The following FILIP1L variants were observed in gnomAD, a reference collection of about 807,000 sequenced individuals.
FILIP1L encodes the protein filamin A-interacting protein 1-like.
Under a neutral mutation model 96.6 loss-of-function variants are expected in FILIP1L, and 55 were observed. The observed-to-expected ratio is 0.57, with a 90% CI of 0.46 to 0.71. The LOEUF (loss-of-function observed/expected upper bound fraction) is 0.71. FILIP1L is among the 30% of genes least tolerant of loss of function. The pLI, the probability that FILIP1L is intolerant of heterozygous loss-of-function variation, is 0.00. For missense variants in FILIP1L, 1,304 were observed against 1,321.2 expected (o/e 0.99, Z 0.20); for synonymous variants, 467 against 473.9 (o/e 0.99, Z 0.19).
chr3:99,980,988 G>A (rs903863004), intron 1 of FILIP1L, among the ~76,000 whole-genome samples: 2 of 152,172 alleles, frequency 1.3e-5, no homozygotes, highest in African/African-American at 4.8e-5. Context: ...TAATGAAGAT[G>A]TGAGCTTTGG....
chr3:99,979,323 T>C (rs1232050314), intron 1 of FILIP1L, among the ~76,000 whole-genome samples: 1 of 152,192 alleles, frequency 6.6e-6, no homozygotes, highest in Non-Finnish European at 1.5e-5. Context: ...TGGGAAACAC[T>C]AAAAAGATAA....
intron 4 of FILIP1L, among the ~76,000 whole-genome samples, chr3:99,857,828 T>C (rs895146727): frequency 6.6e-5 from 10 of 152,254 alleles, no homozygotes; most frequent in Non-Finnish European, 1.2e-4. Context: ...TTTCACTATG[T>C]TCACTATGTA....
intron 1 of FILIP1L, among the ~76,000 whole-genome samples, chr3:100,096,085 C>A (rs2066201857): frequency 6.6e-6 from 1 of 151,996 alleles, no homozygotes; most frequent in South Asian, 2.1e-4. Context: ...TTATCTTACC[C>A]CAGTTAAAAT....
intron 3 of FILIP1L, among the ~76,000 whole-genome samples, chr3:99,925,326 T>A (rs1256842856): frequency 6.6e-6 from 1 of 152,212 alleles, no homozygotes; most frequent in East Asian, 1.9e-4. Context: ...ATGATCAACC[T>A]GTGGCTGATA....
At chr3:99,840,383 C>G (rs549364502) in intron 5 of FILIP1L, among the ~76,000 whole-genome samples, 1 of 151,928 alleles carries the variant, frequency 6.6e-6, no homozygotes, top group African/African-American at 2.4e-5. Context: ...ACCACCATGC[C>G]CGGCTAATTT....
intron 1 of FILIP1L, among the ~76,000 whole-genome samples, chr3:100,073,976 A>G (rs532322607): frequency 1.3e-5 from 2 of 152,088 alleles, no homozygotes; most frequent in East Asian, 3.9e-4. Flanking sequence ...TTTGCACGCC[A>G]TGGTTCTCCT....
chr3:99,991,604 C>T (rs184397711), intron 1 of FILIP1L, among the ~76,000 whole-genome samples: 91 of 152,052 alleles, frequency 6.0e-4, no homozygotes, highest in African/African-American at 2.1e-3. Context: ...ACCCCCCTGC[C>T]ACCTTCCCAC....
intron 1 of FILIP1L, among the ~76,000 whole-genome samples, chr3:99,956,057 G>A (rs1204930745): frequency 6.6e-6 from 1 of 152,148 alleles, no homozygotes. Context: ...TGACTGACAC[G>A]TTTTTAAGTT....
chr3:99,920,303 GA>G (rs546234576), intron 4 of FILIP1L, among the ~76,000 whole-genome samples: 4 of 149,852 alleles, frequency 2.7e-5, no homozygotes, highest in East Asian at 3.9e-4. Context: ...AACTGAAAAA[GA>G]AAAAAAAATA....
chr3:99,988,114 AT>A (rs1362512130), intron 1 of FILIP1L, among the ~76,000 whole-genome samples: 2 of 152,138 alleles, frequency 1.3e-5, no homozygotes, highest in Non-Finnish European at 2.9e-5. Context: ...TTCAGTTTCA[AT>A]AACTTTTTTT....
intron 4 of FILIP1L, among the ~76,000 whole-genome samples, chr3:99,852,017 T>A (rs1424483021): frequency 6.6e-6 from 1 of 152,266 alleles, no homozygotes; most frequent in Non-Finnish European, 1.5e-5. Flanking sequence ...AATAATTCCC[T>A]CTTAAATGAT....
intron 1 of FILIP1L, among the ~76,000 whole-genome samples, chr3:100,097,773 G>T (rs2066236557): frequency 6.6e-6 from 1 of 152,062 alleles, no homozygotes; most frequent in Non-Finnish European, 1.5e-5. Context: ...AAGACTACTT[G>T]GTTATTAAAT....
At chr3:99,852,653 C>T (rs1943758827) in intron 4 of FILIP1L, among the ~76,000 whole-genome samples, 1 of 152,006 alleles carries the variant, frequency 6.6e-6, no homozygotes, top group South Asian at 2.1e-4. Context: ...ACCATGTTGG[C>T]CAGGATGGTC....
intron 1 of FILIP1L, among the ~76,000 whole-genome samples, chr3:100,011,089 G>T (rs1710142513): frequency 6.6e-6 from 1 of 152,228 alleles, no homozygotes; most frequent in East Asian, 1.9e-4. Flanking sequence ...GATAATAGAA[G>T]ATTGAAGCTT....
At chr3:100,109,718 A>G (rs914036958) in intron 1 of FILIP1L, among the ~76,000 whole-genome samples, 2 of 152,268 alleles carry the variant, frequency 1.3e-5, no homozygotes, top group Middle Eastern at 3.4e-3. Flanking sequence ...TCATTTACCA[A>G]TTGAAGGGGT....
chr3:100,001,309 A>T (rs1015516314), intron 1 of FILIP1L, among the ~76,000 whole-genome samples: 5 of 152,216 alleles, frequency 3.3e-5, no homozygotes, highest in African/African-American at 1.2e-4. Context: ...TTTACATATT[A>T]TCTATCGCTG....
chr3:99,935,827 G>A (rs1379147037), intron 1 of FILIP1L, among the ~76,000 whole-genome samples: 1 of 152,162 alleles, frequency 6.6e-6, no homozygotes, highest in African/African-American at 2.4e-5. Flanking sequence ...GCTTAAGTTA[G>A]TTGAAATCAT....
chr3:99,934,021 G>A (rs1707577974), intron 1 of FILIP1L, among the ~76,000 whole-genome samples: 2 of 152,192 alleles, frequency 1.3e-5, no homozygotes, highest in Admixed American at 6.5e-5. Context: ...GTATTTGGCT[G>A]TTGGTTAGTT....
At chr3:99,957,125 T>C (rs2107696492) in intron 1 of FILIP1L, among the ~76,000 whole-genome samples, 1 of 152,358 alleles carries the variant, frequency 6.6e-6, no homozygotes, top group East Asian at 1.9e-4. Context: ...TACATTTATT[T>C]TTTATTTGAT....
Sources: gnomAD v4.1 joint callset for allele counts (sites outside exome capture counted in the v4.1 genomes callset) on GRCh38, gnomAD v4.1.1 for gene constraint, MANE v1.5 for transcripts, NCBI Gene and HGNC (gene_info 2026-07-23, HGNC 2026-07-21) for gene names.